The following ITGB6 variants were observed in gnomAD, a reference collection of about 807,000 sequenced individuals.
ITGB6 encodes integrin subunit beta 6.
In ITGB6, 80 loss-of-function variants were observed where a neutral mutation model predicts 84.5. The ratio of observed to expected loss-of-function variants is 0.95; its 90% CI spans 0.79 to 1.14. ITGB6 has a LOEUF of 1.14. Ranked by LOEUF, ITGB6 falls within the 50% of genes most tolerant of loss-of-function variation. The pLI, the probability that ITGB6 is intolerant of heterozygous loss-of-function variation, is 0.00. For synonymous variants in ITGB6, 383 were observed against 354.9 expected, an observed-to-expected ratio of 1.08 and a Z score of -0.89; for missense variants, 1,006 against 968.0, an observed-to-expected ratio of 1.04 and a Z score of -0.52.
At chr2:160,126,632 A>G (rs759248970) in intron 10 of ITGB6, 31 bp from the exon 11 acceptor site, 2 of 1,593,818 alleles carry the variant, frequency 1.3e-6, no homozygotes, top group East Asian at 4.5e-5. Flanking sequence ...TGCTTCTCAC[A>G]GCCCCAAAAC....
intron 4 of ITGB6, among the ~76,000 whole-genome samples, chr2:160,181,829 G>T (rs992878577): frequency 5.9e-5 from 9 of 152,224 alleles, no homozygotes; most frequent in African/African-American, 2.2e-4. Context: ...AGCCTCCGCT[G>T]GTGATACCCA....
intron 7 of ITGB6, among the ~76,000 whole-genome samples, chr2:160,155,253 G>A (rs1283844399): frequency 2.0e-5 from 3 of 152,164 alleles, no homozygotes; most frequent in Admixed American, 6.5e-5. Context: ...TCTGGAAAAG[G>A]CAAAACTGTG....
chr2:160,100,204 T>C lies in ITGB6; in HGVS notation c.*1532A>G, dbSNP rs1236571375. 6.6e-6 allele frequency: 1 copy of C among 152,200 alleles called. No homozygotes were observed. The highest frequency in any genetic ancestry group is 6.5e-5 in the Admixed American group (1 of 15,282). 9.4% of individuals were successfully genotyped at this position (152,200 alleles called of 1,614,324 possible). ...TATCTTGTAGAATTGAAGAAACTTA[T>C]AGATTTTGCTGTGACAATTCAATGG... On this transcript the variant is annotated 3_prime_UTR_variant, in exon 15 of 15. Transcript: ENST00000283249.
At chr2:160,149,815 A>G (rs1684341118) in intron 7 of ITGB6, among the ~76,000 whole-genome samples, 1 of 152,236 alleles carries the variant, frequency 6.6e-6, no homozygotes, top group African/African-American at 2.4e-5. Flanking sequence ...TGCATGCACA[A>G]GCTTCAATAG....
chr2:160,146,915 C>T (rs1433460654), intron 7 of ITGB6, among the ~76,000 whole-genome samples: 1 of 151,646 alleles, frequency 6.6e-6, no homozygotes, highest in Non-Finnish European at 1.5e-5. Context: ...AGCCAGGTAA[C>T]ATAGTGAGAC....
intron 14 of ITGB6, among the ~76,000 whole-genome samples, chr2:160,104,997 C>G (rs918891719): frequency 1.3e-5 from 2 of 152,150 alleles, no homozygotes; most frequent in African/African-American, 4.8e-5. Flanking sequence ...CAGTCAAATT[C>G]ACTTCTTCAA....
At chr2:160,153,833 C>T (rs536935681) in intron 7 of ITGB6, among the ~76,000 whole-genome samples, 2 of 152,174 alleles carry the variant, frequency 1.3e-5, no homozygotes, top group East Asian at 1.9e-4. Flanking sequence ...CATGAAAAAT[C>T]GCTCGTCATC....
intron 12 of ITGB6, among the ~76,000 whole-genome samples, chr2:160,118,105 C>T (rs1390994116): frequency 1.3e-5 from 2 of 152,138 alleles, no homozygotes; most frequent in Non-Finnish European, 2.9e-5. Context: ...GCTGGTACCA[C>T]TCCTTCTGAA....
intron 12 of ITGB6, among the ~76,000 whole-genome samples, chr2:160,116,930 A>G (rs1648599489): frequency 6.6e-6 from 1 of 151,826 alleles, no homozygotes; most frequent in Admixed American, 6.6e-5. Flanking sequence ...CCATTACATA[A>G]TGGTAAAGGG....
At chr2:160,176,383 C>A (rs1290449697) in intron 4 of ITGB6, among the ~76,000 whole-genome samples, 1 of 152,188 alleles carries the variant, frequency 6.6e-6, no homozygotes, top group Non-Finnish European at 1.5e-5. Context: ...CTTTCAGCTG[C>A]ATCAATACAC....
chr2:160,174,971 T>A (rs944216024), intron 4 of ITGB6, among the ~76,000 whole-genome samples: 2 of 152,232 alleles, frequency 1.3e-5, no homozygotes, highest in South Asian at 2.1e-4. Flanking sequence ...CAAGACCTGC[T>A]GAGTTAGCTA....
chr2:160,185,617 A>C (rs1011472716), intron 4 of ITGB6, among the ~76,000 whole-genome samples: 1 of 152,228 alleles, frequency 6.6e-6, no homozygotes, highest in African/African-American at 2.4e-5. Context: ...ATTTAGAAAA[A>C]ACTACTTTAA....
intron 4 of ITGB6, among the ~76,000 whole-genome samples, chr2:160,180,724 G>T (rs903588260): frequency 6.6e-6 from 1 of 152,216 alleles, no homozygotes; most frequent in African/African-American, 2.4e-5. Context: ...AACAGCTCCA[G>T]TATGCAGCTC....
At chr2:160,177,279 C>A (rs1426811058) in intron 4 of ITGB6, among the ~76,000 whole-genome samples, 1 of 152,014 alleles carries the variant, frequency 6.6e-6, no homozygotes. Flanking sequence ...TTTTAAGAAC[C>A]ATCCTGGCCA....
Position 160,138,182 on chromosome 2 carries a change from C to T in ITGB6, c.1125G>A (p.Val375=), listed in dbSNP as rs1683841347. 1 of 1,609,914 alleles carries T rather than the reference C, an allele frequency of 6.2e-7. No individual in the cohort carries two copies. Among genetic ancestry groups the T allele is most frequent in the African/African-American group, 1.3e-5 (1 of 74,782 alleles). The change falls in exon 9 of 15, where the codon GTG becomes GTA. Residue 375 remains valine, a synonymous_variant. Transcript: ENST00000283249. ...CAGTGTCTCCTAATACTTCCAGTTC[C>T]ACCTCAGACCGCAGTTCCTTTAGTT... ...ISAYEELRSE[V]ELEVLGDTEG... is the part of the protein sequence containing the mutation.
chr2:160,142,451 T>C (rs1010949937), intron 7 of ITGB6, among the ~76,000 whole-genome samples: 13 of 152,230 alleles, frequency 8.5e-5, no homozygotes, highest in African/African-American at 2.7e-4. Flanking sequence ...TTTTGTAACG[T>C]TGCAGAAACC....
chr2:160,162,907 C>T (rs1336264932), intron 7 of ITGB6, among the ~76,000 whole-genome samples: 4 of 152,324 alleles, frequency 2.6e-5, no homozygotes, highest in African/African-American at 9.6e-5. Flanking sequence ...GCGTGAGCCA[C>T]TGCACCCGGC....
chr2:160,148,470 A>G lies in ITGB6; in HGVS notation c.1018-6399T>C, dbSNP rs116337022. On this transcript the variant is annotated intron_variant, in intron 7 of 14. Transcript: ENST00000283249. The stretch of plus-strand genomic sequence containing the variant: ...AAACTCTTTGGAATTTACCAAAAAG[A>G]GTTGAACACTTCCAAGATGGCTGAA... 3.5e-3 allele frequency among the ~76,000 whole-genome samples: 527 copies of G among 152,338 alleles called. 3 individuals are homozygous for G. The highest frequency in any genetic ancestry group is 0.012 in the African/African-American group (502 of 41,580).
intron 4 of ITGB6, among the ~76,000 whole-genome samples, chr2:160,179,941 T>TAAAAAAAAA (rs1559208385): frequency 4.6e-5 from 1 of 21,752 alleles, no homozygotes; most frequent in Non-Finnish European, 8.7e-5. Context: ...CTACTAAAAA[T>TAAAAAAAAA]ACAAAAAAAA....
Sources: gnomAD v4.1 joint callset for allele counts (sites outside exome capture counted in the v4.1 genomes callset) on GRCh38, gnomAD v4.1.1 for gene constraint, MANE v1.5 for transcripts, NCBI Gene and HGNC (gene_info 2026-07-23, HGNC 2026-07-21) for gene names.